Variants in TMPRSS11E observed in about 807,000 individuals in gnomAD.
TMPRSS11E encodes transmembrane serine protease 11E, also known as transmembrane protease serine 11E.
In TMPRSS11E, 38 loss-of-function variants were observed where a neutral mutation model predicts 48.1. That is an observed-to-expected ratio of 0.79 (90% confidence interval 0.61 to 1.04). The LOEUF (loss-of-function observed/expected upper bound fraction) is 1.04, where lower values mean the gene tolerates loss of function less well. TMPRSS11E is among the 50% of genes least tolerant of loss of function. The probability of loss-of-function intolerance (pLI) is 0.00; values close to 1 mark genes in which losing one functional copy is unlikely to be tolerated. For synonymous variants in TMPRSS11E, 158 were observed against 171.9 expected (o/e 0.92, Z 0.63); for missense variants, 530 against 510.8 (o/e 1.04, Z -0.36).
At position 68,476,344 on chromosome 4, in the gene TMPRSS11E, T is replaced by C; in HGVS notation, c.613T>C (p.Trp205Arg). ...GTEVEEGEWPWQASLQWDGSH... is the reference protein window; with the variant it reads ...GTEVEEGEWPRQASLQWDGSH... ...AGAAGTAGAAGAGGGTGAATGGCCCTGGCAGGCTAGCCTGCAGTGGGATGG... is the reference window on the plus strand; with the variant it reads ...AGAAGTAGAAGAGGGTGAATGGCCCCGGCAGGCTAGCCTGCAGTGGGATGG... Residue 205 changes from tryptophan to arginine, a missense_variant, in exon 7 of 10, where the codon TGG becomes CGG. Physicochemically the swap from Trp to Arg is moderately radical, Grantham distance 101. Coordinates refer to ENST00000305363, the MANE Select transcript of TMPRSS11E (RefSeq NM_014058.4). The C allele has an allele frequency of 6.2e-7, 1 of 1,614,162 alleles. No individual in the cohort carries two copies.
At chr4:68,460,617 A>G (rs1317377952) in intron 1 of TMPRSS11E, among the ~76,000 whole-genome samples, 2 of 152,188 alleles carry the variant, frequency 1.3e-5, no homozygotes, top group Non-Finnish European at 2.9e-5. Context: ...ACTCTAGAAA[A>G]AAGAAAAAAG....
intron 1 of TMPRSS11E, 45 bp downstream of exon 1, chr4:68,447,568 T>A: frequency 6.3e-7 from 1 of 1,586,910 alleles, no homozygotes; most frequent in East Asian, 2.3e-5. Flanking sequence ...AAGGTAACTT[T>A]TAGTTTAAAA....
At chr4:68,462,000 CT>C in intron 2 of TMPRSS11E, 55 bp downstream of exon 2, 1 of 1,606,202 alleles carries the variant, frequency 6.2e-7, no homozygotes, top group Non-Finnish European at 8.5e-7. Context: ...TTCCTCATAC[CT>C]TGCTGTTTTG....
At chr4:68,448,330 T>G (rs558473822) in intron 1 of TMPRSS11E, among the ~76,000 whole-genome samples, 1 of 152,068 alleles carries the variant, frequency 6.6e-6, no homozygotes, top group African/African-American at 2.4e-5. Context: ...TGTCATCAGT[T>G]GAAAGTTCTA....
intron 1 of TMPRSS11E, among the ~76,000 whole-genome samples, chr4:68,454,515 T>C (rs1728577166): frequency 6.6e-6 from 1 of 151,928 alleles, no homozygotes; most frequent in African/African-American, 2.4e-5. Flanking sequence ...TAAAACTGAA[T>C]TCTTACATAT....
chr4:68,475,273 T>A (rs4860948), intron 6 of TMPRSS11E, among the ~76,000 whole-genome samples: 28,109 of 152,018 alleles, frequency 0.18, 3,011 homozygotes, highest in Admixed American at 0.26. Context: ...GACACATAGA[T>A]AATATCTTCA....
intron 1 of TMPRSS11E, among the ~76,000 whole-genome samples, chr4:68,460,604 A>G (rs966954766): frequency 3.9e-5 from 6 of 152,130 alleles, no homozygotes; most frequent in African/African-American, 1.4e-4. Flanking sequence ...GCAGACAGTT[A>G]GCACTCTAGA....
intron 9 of TMPRSS11E, among the ~76,000 whole-genome samples, chr4:68,480,505 T>C (rs2109704534): frequency 6.6e-6 from 1 of 152,156 alleles, no homozygotes; most frequent in Admixed American, 6.5e-5. Context: ...ACTATTTCTT[T>C]GTTGACACTT....
chr4:68,490,719 G>A (rs1174393473), intron 9 of TMPRSS11E, among the ~76,000 whole-genome samples: 2 of 149,374 alleles, frequency 1.3e-5, no homozygotes, highest in African/African-American at 4.9e-5. Flanking sequence ...CTCATTACTG[G>A]GTGGTAGTTC....
intron 9 of TMPRSS11E, among the ~76,000 whole-genome samples, chr4:68,492,682 CAG>C (rs1729763074): frequency 6.6e-6 from 1 of 152,118 alleles, no homozygotes; most frequent in African/African-American, 2.4e-5. Context: ...CGTCTTTAAA[CAG>C]AAACACACAC....
chr4:68,483,033 C>A (rs754900576), intron 9 of TMPRSS11E, among the ~76,000 whole-genome samples: 1 of 152,112 alleles, frequency 6.6e-6, no homozygotes, highest in African/African-American at 2.4e-5. Context: ...TCATAGTTAC[C>A]AATTTTCTGT....
At chr4:68,493,594 G>A (rs1321376068) in intron 9 of TMPRSS11E, among the ~76,000 whole-genome samples, 2 of 152,038 alleles carry the variant, frequency 1.3e-5, no homozygotes, top group Non-Finnish European at 2.9e-5. Flanking sequence ...AGCCTCCTGA[G>A]TAGCTGAGAT....
At chr4:68,482,475 C>T (rs1211490557) in intron 9 of TMPRSS11E, among the ~76,000 whole-genome samples, 13 of 151,740 alleles carry the variant, frequency 8.6e-5, no homozygotes, top group Admixed American at 8.5e-4. Context: ...CAAAGTTGGC[C>T]AGATGCAGTG....
At chr4:68,456,816 C>T (rs1412185406) in intron 1 of TMPRSS11E, among the ~76,000 whole-genome samples, 1 of 152,114 alleles carries the variant, frequency 6.6e-6, no homozygotes, top group Non-Finnish European at 1.5e-5. Flanking sequence ...AAAGGATTCC[C>T]TATTTAATCA....
At chr4:68,455,797 G>C (rs1378100095) in intron 1 of TMPRSS11E, among the ~76,000 whole-genome samples, 2 of 151,880 alleles carry the variant, frequency 1.3e-5, no homozygotes, top group African/African-American at 4.8e-5. Context: ...ACTTTGCTGT[G>C]GGATATTGTT....
chr4:68,473,377 C>T (rs1188869245), intron 5 of TMPRSS11E, among the ~76,000 whole-genome samples: 2 of 152,078 alleles, frequency 1.3e-5, no homozygotes, highest in African/African-American at 4.8e-5. Flanking sequence ...TGTCAGTCCA[C>T]CTCTGCTTAC....
chr4:68,449,811 A>G (rs999936976), intron 1 of TMPRSS11E, among the ~76,000 whole-genome samples: 2 of 151,886 alleles, frequency 1.3e-5, no homozygotes, highest in African/African-American at 4.8e-5. Context: ...GTTTTATTTA[A>G]ATTGGTGTAA....
In TMPRSS11E at chr4:68,460,543, C is replaced by A. The variant is rs140099447; in HGVS notation, c.12-1278C>A. On this transcript the variant is annotated intron_variant, in intron 1 of 9. Coordinates refer to ENST00000305363, the MANE Select transcript of TMPRSS11E (RefSeq NM_014058.4). The stretch of plus-strand genomic sequence containing the variant: ...TAGAATTCTCCTTATTCTGATTCAA[C>A]ACCCAGTACTCCTCCAGGAGAATAC... 8.5e-5 allele frequency among the ~76,000 whole-genome samples: 13 copies of A among 152,298 alleles called. No individual in the cohort carries two copies. In the East Asian group the frequency reaches 2.5e-3, roughly 29 times the overall value.
chr4:68,491,540 TTGTTTTCCAG>T (rs1408073395), intron 9 of TMPRSS11E, among the ~76,000 whole-genome samples: 1 of 152,142 alleles, frequency 6.6e-6, no homozygotes, highest in African/African-American at 2.4e-5. Flanking sequence ...AAGCCGGGTT[TTGTTTTCCAG>T]TGTTTGGCTA....
Sources: gnomAD v4.1 joint callset for allele counts (sites outside exome capture counted in the v4.1 genomes callset) on GRCh38, gnomAD v4.1.1 for gene constraint, MANE v1.5 for transcripts, NCBI Gene and HGNC (gene_info 2026-07-23, HGNC 2026-07-21) for gene names.